The following WWOX variants were observed in gnomAD, a reference collection of about 807,000 sequenced individuals.
WWOX encodes the protein WW domain containing oxidoreductase.
WWOX carries 69 observed loss-of-function variants against 46.2 expected under a neutral mutation model. That is an observed-to-expected ratio of 1.49 (90% CI 1.23 to 1.82). The LOEUF is 1.82. WWOX is among the 40% of genes most tolerant of loss of function. The pLI, the probability that WWOX is intolerant of heterozygous loss-of-function variation, is 0.00. For synonymous variants in WWOX, 359 were observed against 202.6 expected (o/e 1.77, Z -6.56); for missense variants, 919 against 542.6 (o/e 1.69, Z -6.89).
At chr16:78,987,650 C>T (rs1470633432) in intron 8 of WWOX, among the ~76,000 whole-genome samples, 1 of 152,112 alleles carries the variant, frequency 6.6e-6, no homozygotes, top group African/African-American at 2.4e-5. Flanking sequence ...CATGATGGTG[C>T]ATATGTCTTT....
chr16:78,538,413 C>G (rs1268332667), intron 8 of WWOX, among the ~76,000 whole-genome samples: 1 of 152,092 alleles, frequency 6.6e-6, no homozygotes, highest in East Asian at 1.9e-4. Context: ...GCGTGGTGTG[C>G]AAGTTGAGGC....
At position 78,195,707 on chromosome 16, in the gene WWOX, A is replaced by G. The variant is rs1342160821; in HGVS notation, c.516+31418A>G. ...CATGGTGCTGGGCATCTGTAATCCC[A>G]GCTAGTTGGGAGGCTGAGGCAGGAG... On this transcript the variant is annotated intron_variant, in intron 5 of 8. Transcript: ENST00000566780. Among the ~76,000 whole-genome samples, 21 of 151,472 alleles carry G rather than the reference A, an allele frequency of 1.4e-4. 1 individual carries two copies. The highest frequency in any genetic ancestry group is 1.3e-3 in the Admixed American group (20 of 15,156).
At chr16:79,036,647 G>C (rs1431851077) in intron 8 of WWOX, among the ~76,000 whole-genome samples, 1 of 152,190 alleles carries the variant, frequency 6.6e-6, no homozygotes, top group South Asian at 2.1e-4. Context: ...GTGGCTCTCT[G>C]AAGCTCTGTT....
chr16:78,325,711 G>A (rs757047785), intron 5 of WWOX, among the ~76,000 whole-genome samples: 64 of 152,206 alleles, frequency 4.2e-4, no homozygotes, highest in Non-Finnish European at 7.8e-4. Context: ...GTCACCCTGT[G>A]TTTTTCATGG....
At chr16:78,771,816 A>C (rs934556478) in intron 8 of WWOX, among the ~76,000 whole-genome samples, 10 of 151,212 alleles carry the variant, frequency 6.6e-5, no homozygotes, top group African/African-American at 2.2e-4. Flanking sequence ...AATAAATAAG[A>C]GTTGGATCAC....
intron 8 of WWOX, among the ~76,000 whole-genome samples, chr16:78,766,231 C>G (rs1305209273): frequency 4.6e-5 from 7 of 152,212 alleles, no homozygotes; most frequent in African/African-American, 1.4e-4. Context: ...ACCAGGTAAA[C>G]TTGAATCACC....
chr16:78,474,720 TAC>T (rs1332528442), intron 8 of WWOX, among the ~76,000 whole-genome samples: 5 of 152,112 alleles, frequency 3.3e-5, no homozygotes, highest in Non-Finnish European at 5.9e-5. Context: ...CCATATTTTT[TAC>T]CTCCCATTCT....
At chr16:79,096,554 C>T (rs925761387) in intron 8 of WWOX, among the ~76,000 whole-genome samples, 11 of 152,170 alleles carry the variant, frequency 7.2e-5, no homozygotes, top group Admixed American at 6.5e-4. Context: ...AGGAAGCCTT[C>T]TCTAGATACC....
chr16:78,967,842 C>A (rs563881593), intron 8 of WWOX, among the ~76,000 whole-genome samples: 1 of 152,156 alleles, frequency 6.6e-6, no homozygotes, highest in Admixed American at 6.5e-5. Flanking sequence ...GGGAGTGATG[C>A]CACATAAATC....
chr16:78,357,252 G>C (rs2081315385), intron 5 of WWOX, among the ~76,000 whole-genome samples: 1 of 152,262 alleles, frequency 6.6e-6, no homozygotes, highest in Middle Eastern at 3.4e-3. Flanking sequence ...GCCAACATGG[G>C]AGCCACTAGC....
intron 8 of WWOX, among the ~76,000 whole-genome samples, chr16:79,192,019 A>T (rs1206753586): frequency 6.6e-6 from 1 of 152,224 alleles, no homozygotes; most frequent in South Asian, 2.1e-4. Context: ...TAAACTGACC[A>T]GGAATCTGGG....
intron 8 of WWOX, among the ~76,000 whole-genome samples, chr16:78,610,977 A>AAAC (rs879868890): frequency 3.3e-5 from 5 of 152,142 alleles, no homozygotes; most frequent in African/African-American, 7.2e-5. Flanking sequence ...AAAACAACAA[A>AAAC]AACAACAACA....
chr16:78,671,757 A>G (rs1318581525), intron 8 of WWOX, among the ~76,000 whole-genome samples: 1 of 152,248 alleles, frequency 6.6e-6, no homozygotes, highest in Non-Finnish European at 1.5e-5. Flanking sequence ...TATTTAGAAC[A>G]TAAGTATATT....
At chr16:78,359,600 C>G (rs1332868271) in intron 5 of WWOX, among the ~76,000 whole-genome samples, 1 of 151,998 alleles carries the variant, frequency 6.6e-6, no homozygotes, top group African/African-American at 2.4e-5. Context: ...TGAGTTAAAG[C>G]AAGATTTAAA....
chr16:78,631,352 G>T (rs750155721), intron 8 of WWOX, among the ~76,000 whole-genome samples: 1 of 152,070 alleles, frequency 6.6e-6, no homozygotes, highest in Non-Finnish European at 1.5e-5. Context: ...GAGCTGGACA[G>T]GTCCAGCATC....
At chr16:78,940,058 C>G (rs1046246370) in intron 8 of WWOX, among the ~76,000 whole-genome samples, 1 of 152,190 alleles carries the variant, frequency 6.6e-6, no homozygotes, top group Admixed American at 6.5e-5. Context: ...ACGTTACTTT[C>G]ATCCCATTAT....
intron 5 of WWOX, among the ~76,000 whole-genome samples, chr16:78,374,840 G>C (rs138082264): frequency 6.6e-6 from 1 of 151,954 alleles, no homozygotes; most frequent in African/African-American, 2.4e-5. Flanking sequence ...ACGAGTCTCC[G>C]CACCCGGCCC....
intron 8 of WWOX, among the ~76,000 whole-genome samples, chr16:79,081,889 C>G (rs1237745470): frequency 6.6e-6 from 1 of 152,160 alleles, no homozygotes; most frequent in Admixed American, 6.5e-5. Context: ...CCTAGTTTCA[C>G]TCTGATGGGC....
chr16:78,617,427 A>G (rs921654817), intron 8 of WWOX, among the ~76,000 whole-genome samples: 1 of 150,106 alleles, frequency 6.7e-6, no homozygotes, highest in African/African-American at 2.4e-5. Flanking sequence ...AAAAGTGACC[A>G]CACTGTGGCT....
Sources: allele counts gnomAD v4.1 joint callset (sites outside exome capture counted in the v4.1 genomes callset), GRCh38; gene constraint gnomAD v4.1.1; transcripts MANE v1.5; gene names NCBI Gene and HGNC (gene_info 2026-07-23, HGNC 2026-07-21).